SLC25A29: variants seen among roughly 807,000 people sequenced by gnomAD.
SLC25A29 encodes the protein mitochondrial basic amino acids transporter.
In SLC25A29, 13 loss-of-function variants were observed where a neutral mutation model predicts 10.0. The observed-to-expected ratio is 1.30, with a 90% CI of 0.85 to 2.07. The LOEUF (loss-of-function observed/expected upper bound fraction) is 2.07. Ranked by LOEUF, SLC25A29 falls within the 30% of genes most tolerant of loss-of-function variation. SLC25A29 has a pLI of 0.00. For synonymous variants in SLC25A29, 244 were observed against 221.1 expected (o/e 1.10, Z -0.92); for missense variants, 475 against 447.6 (o/e 1.06, Z -0.55).
At chr14:100,298,790 A>C in intron 2 of SLC25A29, 52 bp downstream of exon 2, 2 of 1,612,486 alleles carry the variant, frequency 1.2e-6, no homozygotes, top group Non-Finnish European at 1.7e-6. Flanking sequence ...CAACCCTGTG[A>C]GCCTCTCTCC....
downstream of SLC25A29, among the ~76,000 whole-genome samples, chr14:100,288,732 C>G (rs187729588): frequency 3.4e-3 from 523 of 152,260 alleles, 1 homozygote; most frequent in Non-Finnish European, 5.5e-3. Flanking sequence ...TCTCCCAAAC[C>G]TGACTGGAAA....
chr14:100,292,646 C>G lies in SLC25A29; in HGVS notation c.549G>C (p.Pro183=). 1 of 1,595,236 alleles carries G rather than the reference C, an allele frequency of 6.3e-7. No homozygotes were observed. Reference sequence around the variant, plus strand: ...GCTTGGGCACCAGCAGGCGGTCGCCCGGCTCGCAGCCCAGCGCCCGCGTGA... The same window carrying G: ...GCTTGGGCACCAGCAGGCGGTCGCCGGGCTCGCAGCCCAGCGCCCGCGTGA... The part of the protein sequence containing the change: ...DALTRALGCE[P]GDRLLVPKLL... The change falls in exon 4 of 4, where the codon CCG becomes CCC. Residue 183 remains proline, a synonymous_variant. Transcript: ENST00000359232.
In SLC25A29 at chr14:100,293,027, C is replaced by G. The variant is rs1423114321; in HGVS notation, c.168G>C (p.Leu56=). The G allele has an allele frequency of 6.5e-7, 1 of 1,543,240 alleles. No homozygotes were observed. ...GCGAGCCCAGGCCCTTGTACAGGCC[C>G]AGCACCTGCGGGGACAGAGACGCCA... ...FKSIIKQESV[L]GLYKGLGSPL... is the part of the protein sequence containing the mutation. Residue 56 remains leucine, a synonymous_variant, in exon 4 of 4, where the codon CTG becomes CTC. Coordinates refer to ENST00000359232, the MANE Select transcript of SLC25A29 (RefSeq NM_001039355.3).
chr14:100,286,502 T>C (rs1297592852), downstream of SLC25A29, among the ~76,000 whole-genome samples: 2 of 65,510 alleles, frequency 3.1e-5, no homozygotes, highest in Non-Finnish European at 3.1e-5. Context: ...AGAGGGGCGC[T>C]GGTGGGGGCG....
rs112782368 is a variant in SLC25A29 at position 100,292,057 on chromosome 14, G to A, written c.*226C>T. ...CTGCTGGGAATAATCTCTGAGCTTC[G>A]TGACTCTACAGTGTGGGCATGAGGG... On this transcript the variant is annotated 3_prime_UTR_variant, in exon 4 of 4. Coordinates refer to ENST00000359232, the MANE Select transcript of SLC25A29 (RefSeq NM_001039355.3). 8 of 555,358 alleles carry A rather than the reference G, an allele frequency of 1.4e-5. No individual in the cohort carries two copies. The highest frequency in any genetic ancestry group is 2.5e-5 in the Non-Finnish European group (8 of 316,954). 34.4% of individuals were successfully genotyped at this position (555,358 alleles called of 1,614,324 possible). A position where few individuals can be genotyped will look rare whatever the true frequency, so the allele number is the denominator to read the frequency against.
the SLC25A29 span, chr14:100,282,297 TA>T: frequency 0.89 from 133,049 of 149,982 alleles, 59,169 homozygotes; most frequent in East Asian, 0.98. Context: ...CCAGATGCTG[TA>T]AAAAAAAAAA....
chr14:100,298,276 T>A, intron 2 of SLC25A29: 1 of 156,266 alleles, frequency 6.4e-6, no homozygotes, highest in Admixed American at 6.2e-5. Context: ...GGGTGGGGGG[T>A]TTATTGGGGA....
chr14:100,306,143 C>T, intron 1 of SLC25A29, 56 bp downstream of exon 1: 9 of 1,321,678 alleles, frequency 6.8e-6, no homozygotes, highest in Middle Eastern at 2.0e-4. Flanking sequence ...GCTGGTGGGC[C>T]GACCTCCCTC....
chr14:100,297,669 A>G (rs1207379732), intron 2 of SLC25A29, among the ~76,000 whole-genome samples: 1 of 152,160 alleles, frequency 6.6e-6, no homozygotes, highest in African/African-American at 2.4e-5. Context: ...GCACGGCCTC[A>G]CTCTCGGCAG....
the SLC25A29 span, chr14:100,280,351 C>G: frequency 6.6e-6 from 1 of 152,156 alleles, no homozygotes; most frequent in South Asian, 2.1e-4. Flanking sequence ...ATGCATGTTT[C>G]TAGCATATGT....
the SLC25A29 span, chr14:100,279,429 C>T: frequency 6.6e-6 from 1 of 152,220 alleles, no homozygotes; most frequent in Non-Finnish European, 1.5e-5. Flanking sequence ...TTTGAAGTGC[C>T]TTTTGTGAAT....
the SLC25A29 span, among the ~76,000 whole-genome samples, chr14:100,285,584 G>A: frequency 6.6e-6 from 1 of 152,052 alleles, no homozygotes; most frequent in African/African-American, 2.4e-5. Flanking sequence ...CGCCGCTTAC[G>A]AGCGTCCCCC....
At chr14:100,294,577 A>G (rs566819335) in intron 2 of SLC25A29, 3 of 152,300 alleles carry the variant, frequency 2.0e-5, no homozygotes, top group Non-Finnish European at 4.4e-5. Context: ...CCCATTTCCA[A>G]GATGGGAAGA....
At chr14:100,298,574 G>A (rs1892326903) in intron 2 of SLC25A29, 5 of 562,988 alleles carry the variant, frequency 8.9e-6, no homozygotes, top group Non-Finnish European at 1.6e-5. Flanking sequence ...GGGAACATGT[G>A]GGTGCCCTTG....
downstream of SLC25A29, among the ~76,000 whole-genome samples, chr14:100,289,442 G>A (rs1044263247): frequency 6.6e-6 from 1 of 152,202 alleles, no homozygotes; most frequent in African/African-American, 2.4e-5. Context: ...CAGGAGGAGA[G>A]GCTGGCCCCT....
At chr14:100,285,252 C>T in the SLC25A29 span, among the ~76,000 whole-genome samples, 2 of 152,016 alleles carry the variant, frequency 1.3e-5, no homozygotes, top group Non-Finnish European at 2.9e-5. Flanking sequence ...CCCTGCCCGC[C>T]CCCAGACCCT....
At chr14:100,288,381 T>TC (rs1566788500), downstream of SLC25A29, among the ~76,000 whole-genome samples, 3 of 6,280 alleles carry the variant, frequency 4.8e-4, no homozygotes, top group African/African-American at 7.3e-4. Context: ...AAACTCTATC[T>TC]CAAAAAAAAA....
rs556856940 is a variant in SLC25A29, at chr14:100,301,947, T to C, written c.35-3062A>G. 1.9e-3 allele frequency among the ~76,000 whole-genome samples: 289 copies of C among 152,152 alleles called. 1 individual carries two copies. The highest frequency in any genetic ancestry group is 1.7e-3 in the Non-Finnish European group (116 of 67,994). The stretch of plus-strand genomic sequence containing the variant: ...AGGCTCCCATCCCTGCCACCTTCCA[T>C]TGACATTTTCCTCATTGAGACCGTG... On this transcript the variant is annotated intron_variant, in intron 1 of 3. Coordinates refer to ENST00000359232, the MANE Select transcript of SLC25A29 (RefSeq NM_001039355.3).
At chr14:100,298,957 G>A (rs1456035110) in intron 1 of SLC25A29, 72 bp from the exon 2 acceptor site, 5 of 1,582,582 alleles carry the variant, frequency 3.2e-6, no homozygotes, top group Middle Eastern at 3.4e-4. Context: ...GCAGGAGGGG[G>A]TTCTGACAAG....
Sources: allele counts gnomAD v4.1 joint callset (sites outside exome capture counted in the v4.1 genomes callset), GRCh38; gene constraint gnomAD v4.1.1; transcripts MANE v1.5; gene names NCBI Gene and HGNC (gene_info 2026-07-23, HGNC 2026-07-21).